The following CSMD2 variants were observed in gnomAD, a reference collection of about 807,000 sequenced individuals.
CSMD2 encodes the protein CUB and Sushi multiple domains 2.
In CSMD2, 130 loss-of-function variants were observed where a neutral mutation model predicts 398.5. That is an observed-to-expected ratio of 0.33 (90% CI 0.28 to 0.38). CSMD2 has a LOEUF of 0.38. Among genes scored for constraint, CSMD2 ranks in the 10% least tolerant of loss-of-function variants. The pLI is 1.00. For missense variants in CSMD2, 3,829 were observed against 4,764.9 expected, an observed-to-expected ratio of 0.80 and a Z score of 5.78; for synonymous variants, 1,828 against 1,908.5, an observed-to-expected ratio of 0.96 and a Z score of 1.10.
chr1:33,614,572 G>A lies in CSMD2; in HGVS notation c.6065C>T (p.Pro2022Leu). Reference protein sequence around the residue: ...VEEMEGVILSPGFPGNYPSNM... With the variant: ...VEEMEGVILSLGFPGNYPSNM... Reference sequence around the variant, plus strand: ...ACTGGGGTAGTTGCCTGGGAAGCCGGGGCTCAGGATCACCCCCTCCATCTC... The same window carrying A: ...ACTGGGGTAGTTGCCTGGGAAGCCGAGGCTCAGGATCACCCCCTCCATCTC... The change falls in exon 40 of 71, where the codon CCC becomes CTC. Residue 2022 changes from proline to leucine, a missense_variant. Physicochemically the swap from Pro to Leu is moderately conservative, Grantham distance 98. Around this residue, in one of 5 missense-constraint regions of CSMD2, gnomAD observed 2,001 missense variants for 2,567.1 expected, o/e 0.78. Coordinates refer to ENST00000373381, the MANE Select transcript of CSMD2 (RefSeq NM_001281956.2). 6.2e-7 allele frequency: 1 copy of A among 1,613,200 alleles called. No individual in the cohort carries two copies. The highest frequency in any genetic ancestry group is 8.5e-7 in the Non-Finnish European group (1 of 1,179,442).
rs1642582258 is a variant in CSMD2, at chr1:33,633,346, C to G, written c.5200+76G>C. The G allele has an allele frequency of 1.8e-6, 2 of 1,136,494 alleles. No homozygotes were observed. The highest frequency in any genetic ancestry group is 2.0e-5 in the Admixed American group (1 of 50,118). 70.4% of individuals were successfully genotyped at this position (1,136,494 alleles called of 1,614,324 possible). On this transcript the variant is annotated intron_variant, in intron 32 of 70. Coordinates refer to ENST00000373381, the MANE Select transcript of CSMD2 (RefSeq NM_001281956.2). The surrounding 1 kb of genome is among the most constrained non-coding windows in gnomAD (Gnocchi z 5.0). The stretch of plus-strand genomic sequence containing the variant: ...TTCCACCTGCGGCCATGGGGTGCTT[C>G]TAGAGCCTCCTTCCTTTAGCCGGAC...
intron 19 of CSMD2, among the ~76,000 whole-genome samples, chr1:33,723,102 T>A (rs144950027): frequency 0.012 from 1,840 of 152,328 alleles, 18 homozygotes; most frequent in Middle Eastern, 0.02. Context: ...ATTCTCCACG[T>A]CTTATTTGTA....
chr1:34,015,088 C>T (rs1045258859), intron 3 of CSMD2, among the ~76,000 whole-genome samples: 1 of 152,222 alleles, frequency 6.6e-6, no homozygotes, highest in South Asian at 2.1e-4. Context: ...TCTTACCCCT[C>T]ATTTGAGACG....
intron 10 of CSMD2, among the ~76,000 whole-genome samples, chr1:33,797,405 TC>T (rs1178754081): frequency 1.3e-5 from 2 of 152,138 alleles, no homozygotes; most frequent in Non-Finnish European, 2.9e-5. Flanking sequence ...AGGGGCAGGT[TC>T]CCCCAATACA....
At chr1:34,150,322 C>G (rs1395046020) in intron 1 of CSMD2, among the ~76,000 whole-genome samples, 3 of 152,132 alleles carry the variant, frequency 2.0e-5, no homozygotes, top group Non-Finnish European at 4.4e-5. Context: ...TGGCCTCAAG[C>G]AAGTCTCCCA....
chr1:34,050,150 A>G (rs2148220141), intron 2 of CSMD2, among the ~76,000 whole-genome samples: 1 of 152,330 alleles, frequency 6.6e-6, no homozygotes, highest in South Asian at 2.1e-4. Context: ...CAGCCCAAAG[A>G]GACCAAAACA....
chr1:34,138,184 C>G (rs1353710770), intron 1 of CSMD2, among the ~76,000 whole-genome samples: 1 of 152,214 alleles, frequency 6.6e-6, no homozygotes, highest in Non-Finnish European at 1.5e-5. Context: ...TATGATCCTT[C>G]TGGGGGGTCC....
intron 3 of CSMD2, among the ~76,000 whole-genome samples, chr1:33,956,164 A>C (rs1457464148): frequency 6.6e-6 from 1 of 152,104 alleles, no homozygotes; most frequent in Non-Finnish European, 1.5e-5. Context: ...AGTGGCATTA[A>C]GAATATTCAC....
At position 33,947,902 on chromosome 1, in the gene CSMD2, C is replaced by T. The variant is rs145473455; in HGVS notation, c.518-11948G>A. ...CATTGGACAGGAGAGGAAACTGAGG[C>T]GCAGAGAGGGTGAGTCACTTGCTCA... On this transcript the variant is annotated intron_variant, in intron 3 of 70. Transcript: ENST00000373381. Among the ~76,000 whole-genome samples the T allele has an allele frequency of 8.8e-3, 1,341 of 152,308 alleles. 9 individuals are homozygous for T. The highest frequency in any genetic ancestry group is 0.017 in the South Asian group (80 of 4,830).
intron 20 of CSMD2, 102 bp from the exon 21 acceptor site, chr1:33,714,877 G>C: frequency 9.0e-7 from 1 of 1,107,698 alleles, no homozygotes. Flanking sequence ...AAGGGCCAGG[G>C]ACAACGAAAG....
At position 33,698,840 on chromosome 1, in the gene CSMD2, G is replaced by A; in HGVS notation, c.3838C>T (p.Pro1280Ser). ...AGSSVSFSCD[P>S]GYSLRGSEEL... ...TCACTACCCCGCAGGCTGTATCCAG[G>A]GTCACAGCTGAAGGACACGGAGCTC... Residue 1280 changes from proline to serine, a missense_variant, in exon 24 of 71, where the codon CCT becomes TCT. By Grantham distance (74) the Pro-to-Ser change is moderately conservative. Coordinates refer to ENST00000373381, the MANE Select transcript of CSMD2 (RefSeq NM_001281956.2). 6.2e-7 allele frequency: 1 copy of A among 1,614,188 alleles called. No individual in the cohort carries two copies. Among genetic ancestry groups the A allele is most frequent in the Non-Finnish European group, 8.5e-7 (1 of 1,180,034 alleles).
At chr1:33,748,738 A>G (rs1326818823) in intron 13 of CSMD2, among the ~76,000 whole-genome samples, 1 of 152,226 alleles carries the variant, frequency 6.6e-6, no homozygotes, top group African/African-American at 2.4e-5. Flanking sequence ...CATGAAAGAG[A>G]CAAAATAAAA....
chr1:33,811,708 T>C (rs940719440), intron 9 of CSMD2, among the ~76,000 whole-genome samples: 1 of 152,226 alleles, frequency 6.6e-6, no homozygotes, highest in Non-Finnish European at 1.5e-5. Context: ...GATTAAGTAG[T>C]GATTTATAAC....
At chr1:33,552,135 C>T (rs1266947934) in intron 55 of CSMD2, among the ~76,000 whole-genome samples, 1 of 152,140 alleles carries the variant, frequency 6.6e-6, no homozygotes, top group Non-Finnish European at 1.5e-5. Context: ...ATTTGTTACA[C>T]AGTAAACACA....
chr1:33,690,362 G>A (rs184245437), intron 25 of CSMD2, among the ~76,000 whole-genome samples: 3 of 152,084 alleles, frequency 2.0e-5, no homozygotes, highest in African/African-American at 7.2e-5. Flanking sequence ...TCAGCTCTAG[G>A]GTCACCTTTT....
intron 5 of CSMD2, among the ~76,000 whole-genome samples, chr1:33,890,137 G>C (rs1641894819): frequency 6.6e-6 from 1 of 151,364 alleles, no homozygotes; most frequent in South Asian, 2.1e-4. Context: ...TAATGACCAT[G>C]CTTTATGTTT....
At chr1:33,606,038 G>T (rs377265370) in intron 41 of CSMD2, 1 of 1,573,706 alleles carries the variant, frequency 6.4e-7, no homozygotes, top group Non-Finnish European at 8.6e-7. Flanking sequence ...GCTAAGGGAC[G>T]TGTGGCTGTC....
intron 25 of CSMD2, among the ~76,000 whole-genome samples, chr1:33,688,304 A>G (rs558372248): frequency 5.9e-4 from 90 of 152,330 alleles, no homozygotes; most frequent in Admixed American, 1.8e-3. Context: ...GTAAAACAGA[A>G]AACAAGCTAC....
At chr1:34,050,195 T>C (rs1296359825) in intron 2 of CSMD2, among the ~76,000 whole-genome samples, 3 of 152,224 alleles carry the variant, frequency 2.0e-5, no homozygotes, top group Non-Finnish European at 2.9e-5. Flanking sequence ...CCCAAAATGG[T>C]ACCCTTCCCT....
Sources: allele counts gnomAD v4.1 joint callset (sites outside exome capture counted in the v4.1 genomes callset), GRCh38; gene constraint gnomAD v4.1.1; regional missense constraint gnomAD v4.1.1; non-coding constraint Gnocchi (gnomAD v3.1); transcripts MANE v1.5; gene names NCBI Gene and HGNC (gene_info 2026-07-23, HGNC 2026-07-21).